C5orf46: variants seen among roughly 807,000 people sequenced by gnomAD.
C5orf46 encodes the protein chromosome 5 open reading frame 46.
In C5orf46, 9 loss-of-function variants were observed where a neutral mutation model predicts 8.9. The observed-to-expected ratio is 1.01, with a 90% confidence interval of 0.61 to 1.76. C5orf46 has a LOEUF of 1.76. Among genes scored for constraint, C5orf46 ranks in the 40% most tolerant of loss-of-function variants. C5orf46 has a pLI of 0.00. For synonymous variants in C5orf46, 47 were observed against 41.4 expected, an observed-to-expected ratio of 1.14 and a Z score of -0.52; for missense variants, 98 against 107.8, an observed-to-expected ratio of 0.91 and a Z score of 0.40.
intron 3 of C5orf46, among the ~76,000 whole-genome samples, chr5:147,894,693 T>C (rs926775551): frequency 1.3e-5 from 2 of 151,924 alleles, no homozygotes; most frequent in Admixed American, 1.3e-4. Flanking sequence ...TAGTTATTCA[T>C]TTTGGTAGCA....
chr5:147,890,360 A>G (rs1757483736), downstream of C5orf46, among the ~76,000 whole-genome samples: 1 of 152,190 alleles, frequency 6.6e-6, no homozygotes, highest in African/African-American at 2.4e-5. Flanking sequence ...TCTCTGCTAG[A>G]CACTGTTCTA....
chr5:147,892,969 C>T (rs1421590983), intron 3 of C5orf46, 30 bp from the exon 4 acceptor site: 1 of 152,154 alleles, frequency 6.6e-6, no homozygotes, highest in Non-Finnish European at 1.5e-5. Context: ...GAGAGGAAAA[C>T]AATTACCAAG....
At chr5:147,887,805 G>A (rs1757444077), downstream of C5orf46, 1 of 152,214 alleles carries the variant, frequency 6.6e-6, no homozygotes, top group Non-Finnish European at 1.5e-5. Context: ...GGGACTTGAG[G>A]TTGGAAGAAC....
intron 1 of C5orf46, among the ~76,000 whole-genome samples, chr5:147,903,823 C>CT (rs1265507404): frequency 6.6e-6 from 1 of 152,168 alleles, no homozygotes; most frequent in Non-Finnish European, 1.5e-5. Flanking sequence ...TTACAGCTCA[C>CT]TGCAGGCTCA....
intron 2 of C5orf46, among the ~76,000 whole-genome samples, chr5:147,899,034 T>C (rs1466667062): frequency 1.3e-5 from 2 of 152,180 alleles, no homozygotes; most frequent in African/African-American, 2.4e-5. Context: ...CATTCTCTCT[T>C]CCAAATCAAA....
In C5orf46 at chr5:147,901,628, C is replaced by T. The variant is rs200286897; in HGVS notation, c.215+1G>A. ...AAAGCAACGTTTTTCTCAGTGCTTA[C>T]GTGCTCCTGGACATGGAGCGGAGGA... On this transcript the variant is annotated splice_donor_variant, in intron 2 of 3. Coordinates refer to ENST00000318315, the MANE Select transcript of C5orf46 (RefSeq NM_206966.3). LOFTEE classifies it high-confidence loss of function. 2.5e-5 allele frequency: 40 copies of T among 1,613,396 alleles called. 1 individual carries two copies. Among genetic ancestry groups the T allele is most frequent in the South Asian group, 7.7e-5 (7 of 90,996 alleles).
intron 2 of C5orf46, chr5:147,887,643 G>A (rs1757442234): frequency 6.6e-6 from 1 of 152,106 alleles, no homozygotes; most frequent in African/African-American, 2.4e-5. Flanking sequence ...AGTGTAAAGG[G>A]AGAGATAGAA....
chr5:147,895,913 G>A lies in C5orf46; in HGVS notation c.*9+1071C>T, dbSNP rs535246714. ...CATGGGAAAGGGTGGGCTAAGTTCC[G>A]GGGGAATATGATAGTAGCTTTCTGA... is the stretch of plus-strand genomic sequence containing the variant. On this transcript the variant is annotated intron_variant, in intron 3 of 3. Coordinates refer to ENST00000318315, the MANE Select transcript of C5orf46 (RefSeq NM_206966.3). Among the ~76,000 whole-genome samples the A allele has an allele frequency of 4.6e-5, 7 of 152,098 alleles. No homozygotes were observed. The South Asian group carries it at 6.2e-4, about 14-fold the overall frequency.
chr5:147,894,583 C>T (rs1757551342), intron 3 of C5orf46, among the ~76,000 whole-genome samples: 1 of 152,100 alleles, frequency 6.6e-6, no homozygotes, highest in South Asian at 2.1e-4. Context: ...CCAAGGCATT[C>T]CCAAGGCCCC....
intron 2 of C5orf46, chr5:147,886,987 G>A (rs1424093901): frequency 6.6e-6 from 1 of 152,026 alleles, no homozygotes; most frequent in Non-Finnish European, 1.5e-5. Context: ...TGGGATTAGG[G>A]ACCCAAGACA....
intron 2 of C5orf46, among the ~76,000 whole-genome samples, 170 bp from the exon 3 acceptor site, chr5:147,897,211 T>C (rs2127127791): frequency 1.3e-5 from 2 of 152,310 alleles, no homozygotes; most frequent in East Asian, 3.9e-4. Context: ...GGGCAAGTAA[T>C]TTATGCATAA....
chr5:147,894,612 A>T (rs1199919457), intron 3 of C5orf46, among the ~76,000 whole-genome samples: 2 of 151,900 alleles, frequency 1.3e-5, no homozygotes, highest in Non-Finnish European at 2.9e-5. Context: ...TAACTTTATC[A>T]TTTCCTTCCA....
intron 2 of C5orf46, 50 bp downstream of exon 2, chr5:147,901,579 C>A: frequency 6.4e-7 from 1 of 1,570,526 alleles, no homozygotes; most frequent in South Asian, 1.2e-5. Flanking sequence ...ATTGTGTGGT[C>A]ATTATCAACA....
At chr5:147,896,093 T>C (rs1051362627) in intron 3 of C5orf46, among the ~76,000 whole-genome samples, 2 of 152,222 alleles carry the variant, frequency 1.3e-5, no homozygotes, top group African/African-American at 4.8e-5. Context: ...TGTATTTCTA[T>C]GAACATCTTG....
chr5:147,888,794 G>A (rs537521299), downstream of C5orf46, among the ~76,000 whole-genome samples: 2 of 152,264 alleles, frequency 1.3e-5, no homozygotes, highest in East Asian at 3.9e-4. Flanking sequence ...TGAGCTCCAA[G>A]ATTGTTCAGT....
downstream of C5orf46, among the ~76,000 whole-genome samples, chr5:147,888,251 G>A (rs1412788174): frequency 1.3e-5 from 2 of 152,110 alleles, no homozygotes; most frequent in Non-Finnish European, 2.9e-5. Context: ...CCTTGCTCAA[G>A]AGCTTTTGGC....
At chr5:147,889,560 T>C (rs1214653238), downstream of C5orf46, among the ~76,000 whole-genome samples, 2 of 152,132 alleles carry the variant, frequency 1.3e-5, no homozygotes, top group Non-Finnish European at 2.9e-5. Flanking sequence ...ACCTAGGTAA[T>C]GGGTTGATAG....
chr5:147,901,433 C>CT (rs1757667433), intron 2 of C5orf46, 196 bp downstream of exon 2: 2 of 475,336 alleles, frequency 4.2e-6, no homozygotes, highest in Non-Finnish European at 7.3e-6. Flanking sequence ...TGGGAATGTC[C>CT]TTTCCCCCAA....
intron 1 of C5orf46, among the ~76,000 whole-genome samples, chr5:147,905,715 G>T (rs750763921): frequency 1.3e-5 from 2 of 152,136 alleles, no homozygotes; most frequent in Non-Finnish European, 2.9e-5. Context: ...GATAATAGTA[G>T]AAAGAATCTA....
Sources: gnomAD v4.1 joint callset for allele counts (sites outside exome capture counted in the v4.1 genomes callset) on GRCh38, gnomAD v4.1.1 for gene constraint, MANE v1.5 for transcripts, NCBI Gene and HGNC (gene_info 2026-07-23, HGNC 2026-07-21) for gene names.